Variants in KCNMB2 observed in about 807,000 individuals in gnomAD.
The protein encoded by KCNMB2 is potassium calcium-activated channel subfamily M regulatory beta subunit 2.
Under a neutral mutation model 24.5 loss-of-function variants are expected in KCNMB2, and 9 were observed. The ratio of observed to expected loss-of-function variants is 0.37; its 90% CI spans 0.22 to 0.64. The LOEUF (loss-of-function observed/expected upper bound fraction) is 0.64. Ranked by LOEUF, KCNMB2 falls within the 30% of genes least tolerant of loss-of-function variation. KCNMB2 has a pLI of 0.63. For missense variants in KCNMB2, 226 were observed against 284.3 expected (o/e 0.79, Z 1.47); for synonymous variants, 109 against 104.4 (o/e 1.04, Z -0.27).
chr3:178,588,503 A>G (rs1441243920), intron 1 of KCNMB2, among the ~76,000 whole-genome samples: 1 of 152,092 alleles, frequency 6.6e-6, no homozygotes, highest in Non-Finnish European at 1.5e-5. Context: ...CAAGTTTCTC[A>G]TTGTAGAAAG....
chr3:178,554,007 C>T (rs1286554531), intron 1 of KCNMB2, among the ~76,000 whole-genome samples: 1 of 152,082 alleles, frequency 6.6e-6, no homozygotes, highest in Admixed American at 6.5e-5. Flanking sequence ...TTATTAATAG[C>T]TAACATTTAT....
chr3:178,739,300 G>C (rs1723419901), intron 1 of KCNMB2, among the ~76,000 whole-genome samples: 1 of 152,182 alleles, frequency 6.6e-6, no homozygotes, highest in Non-Finnish European at 1.5e-5. Flanking sequence ...AGTTGAAGGA[G>C]AGACTTCTAT....
chr3:178,563,847 GT>G (rs1176790301), intron 1 of KCNMB2, among the ~76,000 whole-genome samples: 2 of 152,134 alleles, frequency 1.3e-5, no homozygotes, highest in Non-Finnish European at 2.9e-5. Flanking sequence ...CCTTTATGAC[GT>G]TTTGTGAGAC....
intron 1 of KCNMB2, among the ~76,000 whole-genome samples, chr3:178,779,544 T>C (rs1361385870): frequency 6.6e-6 from 1 of 152,210 alleles, no homozygotes; most frequent in Non-Finnish European, 1.5e-5. Flanking sequence ...ATTTAATTTA[T>C]AGATTCTTTC....
chr3:178,546,283 T>A (rs1422462570), intron 1 of KCNMB2, among the ~76,000 whole-genome samples: 1 of 152,184 alleles, frequency 6.6e-6, no homozygotes, highest in Non-Finnish European at 1.5e-5. Flanking sequence ...GGATTTAGTG[T>A]TTGCTGAACT....
At position 178,642,076 on chromosome 3, in the gene KCNMB2, A is replaced by G. The variant is rs372792784; in HGVS notation, c.-68+105365A>G. On this transcript the variant is annotated intron_variant, in intron 1 of 4. Coordinates refer to ENST00000452583, the MANE Select transcript of KCNMB2 (RefSeq NM_181361.3). ...TTACTGCAATCATGTGTAATAATAT[A>G]CAGCAGTTTATTCTAAGTATCTCTA... Among the ~76,000 whole-genome samples, 26 of 152,318 alleles carry G rather than the reference A, an allele frequency of 1.7e-4. 1 individual carries two copies. In the South Asian group the frequency reaches 4.6e-3, roughly 27 times the overall value.
chr3:178,620,204 A>G (rs1400735062), intron 1 of KCNMB2, among the ~76,000 whole-genome samples: 1 of 152,050 alleles, frequency 6.6e-6, no homozygotes, highest in Non-Finnish European at 1.5e-5. Flanking sequence ...ATACGATTAT[A>G]ATGAAAAGTA....
intron 1 of KCNMB2, among the ~76,000 whole-genome samples, chr3:178,637,131 C>T (rs964318879): frequency 6.6e-6 from 1 of 151,912 alleles, no homozygotes; most frequent in East Asian, 1.9e-4. Context: ...TGCTTCCATG[C>T]CTTTTCTATT....
Position 178,689,789 on chromosome 3 carries a change from T to C in KCNMB2, c.-67-117554T>C, listed in dbSNP as rs577183867. ...TTAAAGTGAGTGAGTAGTAAAATTGTAGCTTGAACTTGGGTCTTCTCACTC... is the reference window on the plus strand; with the variant it reads ...TTAAAGTGAGTGAGTAGTAAAATTGCAGCTTGAACTTGGGTCTTCTCACTC... On this transcript the variant is annotated intron_variant, in intron 1 of 4. Transcript: ENST00000452583. Among the ~76,000 whole-genome samples the C allele has an allele frequency of 1.6e-4, 25 of 152,338 alleles. No homozygotes were observed. The South Asian group carries it at 2.1e-3, about 13-fold the overall frequency.
intron 1 of KCNMB2, among the ~76,000 whole-genome samples, chr3:178,666,339 T>C (rs148474767): frequency 6.8e-4 from 104 of 152,200 alleles, no homozygotes; most frequent in South Asian, 3.7e-3. Flanking sequence ...GTGATAAGCA[T>C]GTAAAAAATC....
At chr3:178,676,214 C>T (rs895636614) in intron 1 of KCNMB2, among the ~76,000 whole-genome samples, 1 of 152,140 alleles carries the variant, frequency 6.6e-6, no homozygotes, top group African/African-American at 2.4e-5. Context: ...GGAGGCCACC[C>T]AGGGCATAAG....
chr3:178,802,193 T>C (rs1362178655), intron 1 of KCNMB2, among the ~76,000 whole-genome samples: 1 of 152,182 alleles, frequency 6.6e-6, no homozygotes, highest in Non-Finnish European at 1.5e-5. Context: ...AGATAAAGTC[T>C]CAAACATAAG....
chr3:178,757,275 T>C (rs1274583468), intron 1 of KCNMB2: 3 of 135,810 alleles, frequency 2.2e-5, no homozygotes. Flanking sequence ...TGTGTGTGTA[T>C]ACATATATCC....
chr3:178,800,099 T>C (rs757856878), intron 1 of KCNMB2, among the ~76,000 whole-genome samples: 73 of 152,096 alleles, frequency 4.8e-4, no homozygotes, highest in Non-Finnish European at 8.7e-4. Context: ...AAGGAAGCTC[T>C]CCAGGACATT....
At chr3:178,736,447 T>A (rs1559995614) in intron 1 of KCNMB2, among the ~76,000 whole-genome samples, 1 of 152,206 alleles carries the variant, frequency 6.6e-6, no homozygotes, top group African/African-American at 2.4e-5. Flanking sequence ...GAACAGACTG[T>A]GCTCTCCTTT....
rs987855665 is a variant in KCNMB2 at position 178,838,134 on chromosome 3, AAAAATGTTAAAG to A, written c.424-4515_424-4504del. 5.3e-5 allele frequency among the ~76,000 whole-genome samples: 8 copies of A among 152,168 alleles called. No homozygotes were observed. In the East Asian group the frequency reaches 7.7e-4, roughly 15 times the overall value. ...ATGCTTTGGTTCAAAAAACATTTCTAAAAATGTTAAAGAAATGATCAGGGCATCTTTGAAGAT... is the reference window on the plus strand; with the variant it reads ...ATGCTTTGGTTCAAAAAACATTTCTAAAATGATCAGGGCATCTTTGAAGAT... On this transcript the variant is annotated intron_variant, in intron 4 of 4. Transcript: ENST00000452583.
At chr3:178,711,276 G>A (rs901858065) in intron 1 of KCNMB2, among the ~76,000 whole-genome samples, 4 of 152,094 alleles carry the variant, frequency 2.6e-5, no homozygotes, top group Admixed American at 2.6e-4. Flanking sequence ...AAATATTTTA[G>A]TTATAAAGAT....
chr3:178,791,703 G>T (rs1713330857), intron 1 of KCNMB2, among the ~76,000 whole-genome samples: 1 of 151,976 alleles, frequency 6.6e-6, no homozygotes, highest in African/African-American at 2.4e-5. Flanking sequence ...ACTTCCAAAG[G>T]TTAGGAATAA....
At chr3:178,763,854 C>G (rs1280985585) in intron 1 of KCNMB2, among the ~76,000 whole-genome samples, 1 of 152,126 alleles carries the variant, frequency 6.6e-6, no homozygotes, top group African/African-American at 2.4e-5. Context: ...CCTTCAGTGT[C>G]TGTTTCATGA....
Sources: allele counts gnomAD v4.1 joint callset (sites outside exome capture counted in the v4.1 genomes callset), GRCh38; gene constraint gnomAD v4.1.1; transcripts MANE v1.5; gene names NCBI Gene and HGNC (gene_info 2026-07-23, HGNC 2026-07-21).